The following EBF1 variants were observed in gnomAD, a reference collection of about 807,000 sequenced individuals.
The protein encoded by EBF1 is EBF transcription factor 1.
EBF1 carries 10 observed loss-of-function variants against 68.4 expected under a neutral mutation model. That is an observed-to-expected ratio of 0.15 (90% CI 0.09 to 0.25). EBF1 has a LOEUF of 0.25. EBF1 is among the 10% of genes least tolerant of loss of function. The probability of loss-of-function intolerance (pLI) is 1.00; values close to 1 mark genes in which losing one functional copy is unlikely to be tolerated. For synonymous variants in EBF1, 298 were observed against 299.8 expected (o/e 0.99, Z 0.06); for missense variants, 509 against 794.4 (o/e 0.64, Z 4.32).
intron 8 of EBF1, among the ~76,000 whole-genome samples, chr5:158,798,400 GTTAA>G (rs1779963666): frequency 6.6e-6 from 1 of 152,124 alleles, no homozygotes; most frequent in African/African-American, 2.4e-5. Context: ...TGGAATTTCT[GTTAA>G]TTTTTATTTT....
chr5:158,963,134 G>A (rs533577794), intron 6 of EBF1, among the ~76,000 whole-genome samples: 8 of 152,284 alleles, frequency 5.3e-5, no homozygotes, highest in African/African-American at 1.9e-4. Context: ...CTTACAGACT[G>A]TGGAGGTCCA....
intron 5 of EBF1, among the ~76,000 whole-genome samples, chr5:159,075,237 T>C (rs1390198814): frequency 6.6e-6 from 1 of 152,116 alleles, no homozygotes; most frequent in East Asian, 1.9e-4. Context: ...GCTTCATGAC[T>C]AGCCTCACTA....
intron 4 of EBF1, among the ~76,000 whole-genome samples, chr5:159,092,019 T>G (rs1175374119): frequency 1.3e-5 from 2 of 152,130 alleles, no homozygotes; most frequent in African/African-American, 4.8e-5. Context: ...AGAGGGGAGA[T>G]AAGCTAAACT....
chr5:159,019,556 T>A (rs2127708549), intron 6 of EBF1, among the ~76,000 whole-genome samples: 1 of 152,338 alleles, frequency 6.6e-6, no homozygotes, highest in South Asian at 2.1e-4. Flanking sequence ...TGCTAAATTA[T>A]TTTTTCTCCA....
intron 6 of EBF1, among the ~76,000 whole-genome samples, chr5:159,061,713 A>G (rs1775871850): frequency 6.6e-6 from 1 of 151,650 alleles, no homozygotes; most frequent in Non-Finnish European, 1.5e-5. Context: ...ATGACACATC[A>G]CAATGAGATT....
At chr5:159,097,349 C>A in intron 1 of EBF1, 1 of 568,198 alleles carries the variant, frequency 1.8e-6, no homozygotes, top group Non-Finnish European at 3.1e-6. Context: ...ACGGGTGCGT[C>A]CTCAGAACTC....
At chr5:159,096,782 G>A (rs1300173497) in intron 2 of EBF1, among the ~76,000 whole-genome samples, 192 bp downstream of exon 2, 1 of 152,206 alleles carries the variant, frequency 6.6e-6, no homozygotes, top group African/African-American at 2.4e-5. Flanking sequence ...GGCTCCGTGC[G>A]AACTTTTCTG....
intron 6 of EBF1, among the ~76,000 whole-genome samples, chr5:158,897,205 G>A (rs1562246081): frequency 6.6e-6 from 1 of 152,050 alleles, no homozygotes; most frequent in Non-Finnish European, 1.5e-5. Flanking sequence ...AAGAAAATGT[G>A]GTACATACAC....
intron 6 of EBF1, among the ~76,000 whole-genome samples, chr5:158,877,232 C>A (rs542562058): frequency 6.6e-6 from 1 of 152,124 alleles, no homozygotes; most frequent in African/African-American, 2.4e-5. Flanking sequence ...GGACTCTTGC[C>A]CCTATTCTTT....
intron 10 of EBF1, among the ~76,000 whole-genome samples, chr5:158,764,934 C>T (rs998139822): frequency 6.6e-5 from 10 of 151,986 alleles, no homozygotes; most frequent in Admixed American, 3.3e-4. Flanking sequence ...GAAAATGGGG[C>T]TAAAAATACC....
At chr5:158,899,909 G>C (rs1335369903) in intron 6 of EBF1, among the ~76,000 whole-genome samples, 1 of 152,030 alleles carries the variant, frequency 6.6e-6, no homozygotes, top group Non-Finnish European at 1.5e-5. Context: ...AAGAACCGTG[G>C]GTGGGAGAAG....
At chr5:159,078,047 CT>C (rs1197318117) in intron 5 of EBF1, among the ~76,000 whole-genome samples, 1 of 152,058 alleles carries the variant, frequency 6.6e-6, no homozygotes, top group African/African-American at 2.4e-5. Context: ...GGCTAGTGTT[CT>C]GCTTTATATG....
At chr5:158,707,726 G>A in intron 15 of EBF1, 1 of 482,420 alleles carries the variant, frequency 2.1e-6, no homozygotes, top group Non-Finnish European at 3.7e-6. Flanking sequence ...CAAATCCCGG[G>A]CCTGAGCAGA....
chr5:159,096,826 G>C, intron 2 of EBF1, 148 bp downstream of exon 2: 1 of 1,082,246 alleles, frequency 9.2e-7, no homozygotes, highest in Admixed American at 2.7e-5. Flanking sequence ...CCCTGGGTTC[G>C]TCTGGGATGG....
At chr5:158,993,959 C>G (rs929664727) in intron 6 of EBF1, among the ~76,000 whole-genome samples, 1 of 152,154 alleles carries the variant, frequency 6.6e-6, no homozygotes, top group Non-Finnish European at 1.5e-5. Flanking sequence ...TTTGCAAATG[C>G]CTATGGTTGT....
intron 9 of EBF1, among the ~76,000 whole-genome samples, chr5:158,790,040 TC>T (rs1778306050): frequency 6.6e-6 from 1 of 152,270 alleles, no homozygotes; most frequent in East Asian, 1.9e-4. Flanking sequence ...CTCACAGGTC[TC>T]CCCCAGAGGT....
At chr5:158,812,393 A>C (rs1782838365) in intron 8 of EBF1, among the ~76,000 whole-genome samples, 1 of 152,110 alleles carries the variant, frequency 6.6e-6, no homozygotes, top group African/African-American at 2.4e-5. Context: ...GGGTCGACCT[A>C]GCCCCCATTT....
At chr5:158,957,942 C>T (rs533584872) in intron 6 of EBF1, among the ~76,000 whole-genome samples, 10 of 151,896 alleles carry the variant, frequency 6.6e-5, no homozygotes, top group Non-Finnish European at 1.0e-4. Context: ...ATCTTTTACA[C>T]GAGGCTTAGA....
intron 10 of EBF1, among the ~76,000 whole-genome samples, chr5:158,737,506 G>T (rs1466822678): frequency 6.6e-6 from 1 of 151,704 alleles, no homozygotes; most frequent in Non-Finnish European, 1.5e-5. Context: ...GGATGGTCTC[G>T]ATCTCCTGAC....
Sources: allele counts gnomAD v4.1 joint callset (sites outside exome capture counted in the v4.1 genomes callset), GRCh38; gene constraint gnomAD v4.1.1; transcripts MANE v1.5; gene names NCBI Gene and HGNC (gene_info 2026-07-23, HGNC 2026-07-21).